GRAMD1B: variants seen among roughly 807,000 people sequenced by gnomAD.
The protein encoded by GRAMD1B is protein Aster-B.
GRAMD1B carries 37 observed loss-of-function variants against 99.7 expected under a neutral mutation model. The ratio of observed to expected loss-of-function variants is 0.37; its 90% CI spans 0.29 to 0.49. The LOEUF is 0.49. Among genes scored for constraint, GRAMD1B ranks in the 20% least tolerant of loss-of-function variants. The pLI, the probability that GRAMD1B is intolerant of heterozygous loss-of-function variation, is 0.98. For synonymous variants in GRAMD1B, 427 were observed against 387.6 expected (o/e 1.10, Z -1.19); for missense variants, 888 against 1,009.2 (o/e 0.88, Z 1.63).
At chr11:123,537,795 G>T in intron 2 of GRAMD1B, among the ~76,000 whole-genome samples, 1 of 152,202 alleles carries the variant, frequency 6.6e-6, no homozygotes, top group East Asian at 1.9e-4. Flanking sequence ...AGCAATGATA[G>T]TTCTCCTTTT....
chr11:123,451,705 G>T (rs1949893717), intron 1 of GRAMD1B, among the ~76,000 whole-genome samples: 1 of 152,160 alleles, frequency 6.6e-6, no homozygotes, highest in Non-Finnish European at 1.5e-5. Context: ...CCAGAGAGAG[G>T]AGAGTCCAAA....
rs866092121 is a variant in GRAMD1B at position 123,560,068 on chromosome 11, C to G, written c.453-17299C>G. 8.3e-4 allele frequency among the ~76,000 whole-genome samples: 76 copies of G among 91,350 alleles called. No homozygotes were observed. The East Asian group carries it at 0.018, about 21-fold the overall frequency. The allele number at this position is 91,350 out of a possible 152,430, so 59.9% of individuals were successfully genotyped here. A position where few individuals can be genotyped will look rare whatever the true frequency, so the allele number is the denominator to read the frequency against. ...GATTGAGGGTGAAGAGGAAATAACC[C>G]CCCCCCCCGCAGCCCCAGCGGCTCT... On this transcript the variant is annotated intron_variant, in intron 2 of 19. Transcript: ENST00000635736.
intron 1 of GRAMD1B, among the ~76,000 whole-genome samples, chr11:123,433,283 C>G (rs1450054825): frequency 6.6e-6 from 1 of 152,018 alleles, no homozygotes; most frequent in African/African-American, 2.4e-5. Flanking sequence ...GAGGCCAAGG[C>G]GGGAGAATTG....
At chr11:123,359,609 C>G (rs1037974458) in intron 1 of GRAMD1B, among the ~76,000 whole-genome samples, 6 of 152,146 alleles carry the variant, frequency 3.9e-5, no homozygotes, top group Admixed American at 3.3e-4. Flanking sequence ...CTTGCTGCCC[C>G]CAAGCTTTAG....
chr11:123,483,257 C>T (rs192033059), intron 2 of GRAMD1B, among the ~76,000 whole-genome samples: 18 of 152,192 alleles, frequency 1.2e-4, no homozygotes, highest in Admixed American at 3.3e-4. Flanking sequence ...ATGTATACAG[C>T]GTGGATATGC....
At chr11:123,364,942 T>A (rs1431763088) in intron 1 of GRAMD1B, among the ~76,000 whole-genome samples, 22 of 152,208 alleles carry the variant, frequency 1.4e-4, no homozygotes, top group Admixed American at 1.3e-3. Flanking sequence ...TGGTTAACCC[T>A]GTCATGAGAA....
rs1456954475 is a variant in GRAMD1B, at chr11:123,624,805, C to T, written c.*2210C>T. 2 of 152,158 alleles carry T rather than the reference C, an allele frequency of 1.3e-5. No homozygotes were observed. The highest frequency in any genetic ancestry group is 2.9e-5 in the Non-Finnish European group (2 of 68,022). 9.4% of individuals were successfully genotyped at this position (152,158 alleles called of 1,614,324 possible). ...TGCCACGGTGGGACCTTTGGGATGA[C>T]TTAAAAAGGGTTCTTTGTTGGGAGT... On this transcript the variant is annotated 3_prime_UTR_variant, in exon 20 of 20. Coordinates refer to ENST00000635736, the MANE Select transcript of GRAMD1B (RefSeq NM_001387025.1).
chr11:123,563,881 C>T (rs1272177445), intron 2 of GRAMD1B, among the ~76,000 whole-genome samples: 2 of 152,180 alleles, frequency 1.3e-5, no homozygotes, highest in Admixed American at 1.3e-4. Context: ...TCTTGGTTGA[C>T]GGGCATCTGA....
intron 2 of GRAMD1B, among the ~76,000 whole-genome samples, chr11:123,563,773 A>G (rs1592022871): frequency 6.6e-6 from 1 of 152,176 alleles, no homozygotes; most frequent in Non-Finnish European, 1.5e-5. Context: ...AAAATCATAA[A>G]TAACTTCCTG....
intron 2 of GRAMD1B, among the ~76,000 whole-genome samples, chr11:123,495,678 C>CTTTTTTTTTTTTTTTTTTT (rs556302274): frequency 8.7e-6 from 1 of 114,410 alleles, no homozygotes; most frequent in Admixed American, 8.4e-5. Flanking sequence ...CTTTCTTCTT[C>CTTTTTTTTTTTTTTTTTTT]TTTTTTTTTT....
At chr11:123,598,340 A>G (rs986756206) in intron 7 of GRAMD1B, 4 of 1,178,930 alleles carry the variant, frequency 3.4e-6, no homozygotes, top group African/African-American at 1.5e-5. Context: ...CGTTCTCTTC[A>G]TCTTCACTCT....
chr11:123,528,872 A>T (rs1420209449), intron 2 of GRAMD1B, among the ~76,000 whole-genome samples: 1 of 152,166 alleles, frequency 6.6e-6, no homozygotes, highest in African/African-American at 2.4e-5. Context: ...TGATTAAATT[A>T]ATGCAACTAG....
chr11:123,411,792 TG>T (rs1220792110), intron 1 of GRAMD1B, among the ~76,000 whole-genome samples: 1 of 152,092 alleles, frequency 6.6e-6, no homozygotes, highest in Admixed American at 6.6e-5. Flanking sequence ...GGACTACAGG[TG>T]TGCACCACCA....
chr11:123,565,606 G>A lies in GRAMD1B; in HGVS notation c.453-11761G>A, dbSNP rs140332825. 3.1e-3 allele frequency among the ~76,000 whole-genome samples: 478 copies of A among 152,340 alleles called. 5 individuals are homozygous for A. The highest frequency in any genetic ancestry group is 0.011 in the African/African-American group (445 of 41,576). On this transcript the variant is annotated intron_variant, in intron 2 of 19. Transcript: ENST00000635736. The stretch of plus-strand genomic sequence containing the variant: ...CATGGAGGAATGAGGACTGTGGCAC[G>A]TAAGAGTGCCATTAACATGTAAGCA...
chr11:123,472,381 G>A (rs1951058321), intron 1 of GRAMD1B, among the ~76,000 whole-genome samples: 1 of 152,168 alleles, frequency 6.6e-6, no homozygotes, highest in South Asian at 2.1e-4. Context: ...GCAGTGGTGT[G>A]ATAATAGTTC....
intron 1 of GRAMD1B, among the ~76,000 whole-genome samples, chr11:123,476,819 T>A (rs772632633): frequency 6.6e-6 from 1 of 152,126 alleles, no homozygotes; most frequent in Non-Finnish European, 1.5e-5. Flanking sequence ...TCTATCCAGT[T>A]TTAAGTGGCA....
rs1359142406 is a variant in GRAMD1B at position 123,386,470 on chromosome 11, C to T, written c.-176+27671C>T. ...TTTTTTTTTTTGAGATGGAGTCTCA[C>T]TCTGTCACTGAGGCTGAAGTGCAAT... On this transcript the variant is annotated intron_variant, in intron 1 of 20. Transcript: ENST00000638157. 2.1e-5 allele frequency among the ~76,000 whole-genome samples: 3 copies of T among 140,418 alleles called. No individual in the cohort carries two copies. The Admixed American group carries it at 2.3e-4, about 11-fold the overall frequency. The allele number at this position is 140,418 out of a possible 152,430, so 92.1% of individuals were successfully genotyped here. A position where few individuals can be genotyped will look rare whatever the true frequency, so the allele number is the denominator to read the frequency against.
intron 1 of GRAMD1B, among the ~76,000 whole-genome samples, chr11:123,438,461 G>A (rs1387442301): frequency 3.9e-5 from 6 of 152,148 alleles, no homozygotes; most frequent in African/African-American, 1.4e-4. Context: ...TGTGTGTGAG[G>A]TTGTGGGAAG....
At position 123,368,271 on chromosome 11, in the gene GRAMD1B, A is replaced by AG. The variant is rs1946392241; in HGVS notation, c.-176+9472_-176+9473insG. 1.8e-5 allele frequency among the ~76,000 whole-genome samples: 2 copies of AG among 110,888 alleles called. 1 individual carries two copies. The highest frequency in any genetic ancestry group is 3.8e-5 in the Non-Finnish European group (2 of 52,104). 72.7% of individuals were successfully genotyped at this position (110,888 alleles called of 152,430 possible). On this transcript the variant is annotated intron_variant, in intron 1 of 20. Coordinates refer to the GRAMD1B transcript ENST00000638157. ...TACATCTTAAAACAAAAAAAAAAAAAAAAAAAAGAAAGAAAGAGGAGGGTC... is the reference window on the plus strand; with the variant it reads ...TACATCTTAAAACAAAAAAAAAAAAAGAAAAAAAGAAAGAAAGAGGAGGGTC...
Sources: gnomAD v4.1 joint callset for allele counts (sites outside exome capture counted in the v4.1 genomes callset) on GRCh38, gnomAD v4.1.1 for gene constraint, MANE v1.5 for transcripts, NCBI Gene and HGNC (gene_info 2026-07-23, HGNC 2026-07-21) for gene names.